The following KAT6A variants were observed in gnomAD, a reference collection of about 807,000 sequenced individuals.
The protein encoded by KAT6A is histone acetyltransferase KAT6A.
KAT6A carries 9 observed loss-of-function variants against 198.4 expected under a neutral mutation model. The observed-to-expected ratio is 0.05, with a 90% CI of 0.03 to 0.08. KAT6A has a LOEUF of 0.08. Ranked by LOEUF, KAT6A falls within the 10% of genes least tolerant of loss-of-function variation. The pLI is 1.00. For missense variants in KAT6A, 2,077 were observed against 2,509.9 expected, an observed-to-expected ratio of 0.83 and a Z score of 3.69; for synonymous variants, 890 against 883.0, an observed-to-expected ratio of 1.01 and a Z score of -0.14.
chr8:42,013,982 C>G (rs1826144202), intron 2 of KAT6A, among the ~76,000 whole-genome samples: 1 of 152,146 alleles, frequency 6.6e-6, no homozygotes, highest in African/African-American at 2.4e-5. Flanking sequence ...GTGAAAGAAG[C>G]CTTGGACAAC....
At chr8:41,978,551 G>T (rs1262931846) in intron 6 of KAT6A, 91 bp downstream of exon 6, 2 of 1,359,858 alleles carry the variant, frequency 1.5e-6, no homozygotes, top group Admixed American at 2.2e-5. Flanking sequence ...TATGACAATG[G>T]AATTTTTTTC....
In KAT6A at chr8:42,039,768, C is replaced by G. The variant is rs574374604; in HGVS notation, c.600+8610G>C. Among the ~76,000 whole-genome samples, 17 of 152,082 alleles carry G rather than the reference C, an allele frequency of 1.1e-4. No individual in the cohort carries two copies. In the South Asian group the frequency reaches 3.5e-3, roughly 32 times the overall value. Reference sequence around the variant, plus strand: ...TTTTTTTTTGAGACGGAGTCTCACTCTGTCACCCAGGCTGGAGTGCAGTAG... The same window carrying G: ...TTTTTTTTTGAGACGGAGTCTCACTGTGTCACCCAGGCTGGAGTGCAGTAG... On this transcript the variant is annotated intron_variant, in intron 2 of 16. Transcript: ENST00000265713.
chr8:41,935,899 A>T (rs997990694), intron 16 of KAT6A, among the ~76,000 whole-genome samples: 8 of 152,272 alleles, frequency 5.3e-5, no homozygotes, highest in Non-Finnish European at 1.0e-4. Context: ...ATTTCAAAAC[A>T]TAGCAAGTTA....
chr8:41,970,174 T>TA (rs1823715394), intron 8 of KAT6A, among the ~76,000 whole-genome samples: 1 of 152,188 alleles, frequency 6.6e-6, no homozygotes. Context: ...ATAGTTCTGG[T>TA]ACCAAGGCAG....
At chr8:42,014,595 A>T (rs1307370808) in intron 2 of KAT6A, among the ~76,000 whole-genome samples, 1 of 152,244 alleles carries the variant, frequency 6.6e-6, no homozygotes, top group Non-Finnish European at 1.5e-5. Flanking sequence ...TGTATGATCA[A>T]TAAGGGGCAG....
At chr8:41,977,960 G>A (rs960118430) in intron 6 of KAT6A, among the ~76,000 whole-genome samples, 3 of 152,192 alleles carry the variant, frequency 2.0e-5, no homozygotes, top group East Asian at 1.9e-4. Flanking sequence ...AATAAAGGGA[G>A]GTTGACAAGC....
rs374694230 is a variant in KAT6A at position 41,933,388 on chromosome 8, C to A, written c.4832G>T (p.Ser1611Ile). 6.2e-7 allele frequency: 1 copy of A among 1,605,712 alleles called. No homozygotes were observed. Among genetic ancestry groups the A allele is most frequent in the Non-Finnish European group, 8.5e-7 (1 of 1,177,674 alleles). The change falls in exon 17 of 17, where the codon AGC becomes ATC. Residue 1611 changes from serine to isoleucine, a missense_variant. Transcript: ENST00000265713. This position sits in a 1 kb window ranked among gnomAD's most constrained non-coding sequence, Gnocchi z 6.2. ...SSCVVTQQMA[S>I]MGSSCSMMQQ... ...CATCATGCTGCAGCTGCTGCCCATG[C>A]TGGCCATCTGCTGAGTGACCACACA... is the stretch of plus-strand genomic sequence containing the variant.
At chr8:41,975,192 A>C (rs958013753) in intron 7 of KAT6A, among the ~76,000 whole-genome samples, 3 of 152,086 alleles carry the variant, frequency 2.0e-5, no homozygotes, top group Non-Finnish European at 4.4e-5. Flanking sequence ...GTTCAAAAAA[A>C]CCTCTTGAGT....
intron 1 of KAT6A, among the ~76,000 whole-genome samples, chr8:42,051,332 GTCAGCCCCGCTCGCCGCC>G (rs1310983531): frequency 3.4e-4 from 52 of 151,912 alleles, no homozygotes; most frequent in Middle Eastern, 3.4e-3. Context: ...CCGCCGGCCT[GTCAGCCCCGCTCGCCGCC>G]TCAGCCCCGC....
intron 2 of KAT6A, among the ~76,000 whole-genome samples, chr8:42,042,691 G>A (rs1022466965): frequency 6.6e-6 from 1 of 152,110 alleles, no homozygotes; most frequent in Non-Finnish European, 1.5e-5. Flanking sequence ...AACATTAGTT[G>A]ACAATACCTA....
At chr8:42,029,810 C>A (rs1167249553) in intron 2 of KAT6A, among the ~76,000 whole-genome samples, 2 of 151,994 alleles carry the variant, frequency 1.3e-5, no homozygotes, top group Admixed American at 1.3e-4. Context: ...TCTACAATTT[C>A]TGTTTCTTGT....
At chr8:41,950,365 CAG>C (rs1402784096) in intron 9 of KAT6A, among the ~76,000 whole-genome samples, 1 of 152,172 alleles carries the variant, frequency 6.6e-6, no homozygotes, top group African/African-American at 2.4e-5. Context: ...CTACAACTGC[CAG>C]ACCACCTTCC....
chr8:41,938,969 A>AG (rs1411979901), intron 15 of KAT6A, among the ~76,000 whole-genome samples: 2 of 151,624 alleles, frequency 1.3e-5, no homozygotes, highest in Non-Finnish European at 2.9e-5. Flanking sequence ...AAAAAAAAAA[A>AG]AAAAAAAAGC....
intron 8 of KAT6A, among the ~76,000 whole-genome samples, chr8:41,972,488 A>T (rs1349101550): frequency 6.6e-6 from 1 of 152,234 alleles, no homozygotes; most frequent in Non-Finnish European, 1.5e-5. Flanking sequence ...ACTTGTGATG[A>T]GAACTTGGAT....
At chr8:41,988,237 G>A (rs1824726553) in intron 2 of KAT6A, among the ~76,000 whole-genome samples, 1 of 152,158 alleles carries the variant, frequency 6.6e-6, no homozygotes, top group Admixed American at 6.6e-5. Context: ...ACTTAGGTGT[G>A]CAGTCTGGTA....
At chr8:41,965,002 A>T (rs1268357629) in intron 8 of KAT6A, among the ~76,000 whole-genome samples, 1 of 152,210 alleles carries the variant, frequency 6.6e-6, no homozygotes, top group Non-Finnish European at 1.5e-5. Context: ...TACAGGAGAT[A>T]GGGTGATTAT....
At chr8:41,984,431 C>G (rs1263508618) in intron 3 of KAT6A, among the ~76,000 whole-genome samples, 2 of 152,158 alleles carry the variant, frequency 1.3e-5, no homozygotes, top group African/African-American at 4.8e-5. Flanking sequence ...GTGGCAGCAG[C>G]AACTTGCCAG....
At chr8:42,001,141 T>C (rs1825477304) in intron 2 of KAT6A, among the ~76,000 whole-genome samples, 2 of 152,198 alleles carry the variant, frequency 1.3e-5, no homozygotes, top group African/African-American at 4.8e-5. Context: ...AAACAAATAC[T>C]GACCAGAGGT....
At position 41,929,913 on chromosome 8, in the gene KAT6A, T is replaced by C; in HGVS notation, c.*2292A>G. The C allele has an allele frequency of 4.7e-6, 1 of 214,502 alleles. No individual in the cohort carries two copies. 13.3% of individuals were successfully genotyped at this position (214,502 alleles called of 1,614,324 possible). A position where few individuals can be genotyped will look rare whatever the true frequency, so the allele number is the denominator to read the frequency against. On this transcript the variant is annotated 3_prime_UTR_variant, in exon 17 of 17. Transcript: ENST00000265713. ...TTATTTTAAAAGGCATCAAAGTCAC[T>C]AACAGTGAGTTTTTAAATTTCTTTT... is the stretch of plus-strand genomic sequence containing the variant.
Sources: gnomAD v4.1 joint callset for allele counts (sites outside exome capture counted in the v4.1 genomes callset) on GRCh38, gnomAD v4.1.1 for gene constraint, Gnocchi (gnomAD v3.1) non-coding constraint, MANE v1.5 for transcripts, NCBI Gene and HGNC (gene_info 2026-07-23, HGNC 2026-07-21) for gene names.